IGSF3: variants seen among roughly 807,000 people sequenced by gnomAD.
IGSF3 encodes immunoglobulin superfamily member 3.
In IGSF3, 23 loss-of-function variants were observed where a neutral mutation model predicts 114.4. The observed-to-expected ratio is 0.20, with a 90% CI of 0.14 to 0.28. The LOEUF (loss-of-function observed/expected upper bound fraction) is 0.28, where lower values mean the gene tolerates loss of function less well. IGSF3 is among the 10% of genes least tolerant of loss of function. IGSF3 has a pLI of 1.00. For missense variants in IGSF3, 1,172 were observed against 1,591.5 expected (o/e 0.74, Z 4.48); for synonymous variants, 571 against 645.2 (o/e 0.88, Z 1.74).
rs1486495322 is a variant in IGSF3 at position 116,649,500 on chromosome 1, T to C, written c.43+16784A>G. On this transcript the variant is annotated intron_variant, in intron 2 of 10. Transcript: ENST00000369486. The surrounding 1 kb of genome is among the most constrained non-coding windows in gnomAD (Gnocchi z 4.5). Reference sequence around the variant, plus strand: ...TGGCAAAAGGCAAACAGCATCTTCCTAAAATCTTCCTCTTCCTAAAATCTT... The same window carrying C: ...TGGCAAAAGGCAAACAGCATCTTCCCAAAATCTTCCTCTTCCTAAAATCTT... Among the ~76,000 whole-genome samples the C allele has an allele frequency of 6.6e-6, 1 of 151,954 alleles. No individual in the cohort carries two copies. The highest frequency in any genetic ancestry group is 1.5e-5 in the Non-Finnish European group (1 of 67,810).
At chr1:116,602,295 A>G (rs191042994) in intron 6 of IGSF3, among the ~76,000 whole-genome samples, 3 of 151,938 alleles carry the variant, frequency 2.0e-5, no homozygotes, top group Admixed American at 2.0e-4. Flanking sequence ...AACATAAATT[A>G]CTTCTAGAGA....
chr1:116,601,646 G>A (rs1176897205), intron 6 of IGSF3, among the ~76,000 whole-genome samples: 5 of 152,226 alleles, frequency 3.3e-5, no homozygotes, highest in Admixed American at 6.5e-5. Flanking sequence ...TTTCTATGGT[G>A]AGGTTAAGTT....
rs1042606380 is a variant in IGSF3 at position 116,641,997 on chromosome 1, G to T, written c.43+24287C>A. On this transcript the variant is annotated intron_variant, in intron 2 of 10. Transcript: ENST00000369486. ...TGGAGAGACAGTGTCTCGAACTCCT[G>T]GGCTCCAGTGATCCTCCCACCTCAG... is the stretch of plus-strand genomic sequence containing the variant. Among the ~76,000 whole-genome samples, 6 of 151,836 alleles carry T rather than the reference G, an allele frequency of 4.0e-5. No individual in the cohort carries two copies. In the East Asian group the frequency reaches 9.7e-4, roughly 25 times the overall value.
chr1:116,604,448 G>A (rs1341478510), intron 5 of IGSF3, among the ~76,000 whole-genome samples: 1 of 152,084 alleles, frequency 6.6e-6, no homozygotes, highest in African/African-American at 2.4e-5. Flanking sequence ...CTACCATTCG[G>A]TACTACAGCA....
chr1:116,623,537 T>G (rs572916495), intron 2 of IGSF3, among the ~76,000 whole-genome samples: 1 of 151,870 alleles, frequency 6.6e-6, no homozygotes, highest in East Asian at 2.0e-4. Flanking sequence ...AATACAAAAA[T>G]TAGCCGGGTG....
chr1:116,623,729 C>T (rs4044799), intron 2 of IGSF3, among the ~76,000 whole-genome samples: 10 of 151,922 alleles, frequency 6.6e-5, no homozygotes, highest in Non-Finnish European at 1.2e-4. Context: ...CAGGACAGCT[C>T]GAGGTTCAGC....
Position 116,598,430 on chromosome 1 carries a change from C to T in IGSF3, c.2029+1511G>A, listed in dbSNP as rs1187021222. On this transcript the variant is annotated intron_variant, in intron 7 of 10. Coordinates refer to ENST00000369486, the MANE Select transcript of IGSF3 (RefSeq NM_001007237.3). The surrounding 1 kb of genome is among the most constrained non-coding windows in gnomAD (Gnocchi z 4.3). The stretch of plus-strand genomic sequence containing the variant: ...ACAGCCTCTTCCCTGAGCCTCTTGT[C>T]AGTCGAAGTTTAGGCTGTCATTGGC... Among the ~76,000 whole-genome samples, 1 of 152,216 alleles carries T rather than the reference C, an allele frequency of 6.6e-6. No homozygotes were observed. The highest frequency in any genetic ancestry group is 1.5e-5 in the Non-Finnish European group (1 of 68,034).
At position 116,598,717 on chromosome 1, in the gene IGSF3, C is replaced by T. The variant is rs1162226422; in HGVS notation, c.2029+1224G>A. Among the ~76,000 whole-genome samples, 2 of 152,198 alleles carry T rather than the reference C, an allele frequency of 1.3e-5. No individual in the cohort carries two copies. Among genetic ancestry groups the T allele is most frequent in the East Asian group, 3.9e-4 (2 of 5,190 alleles). On this transcript the variant is annotated intron_variant, in intron 7 of 10. Transcript: ENST00000369486. This position sits in a 1 kb window ranked among gnomAD's most constrained non-coding sequence, Gnocchi z 4.3. ...TGCAAAGTCAAACCCTTGCCCTTGC[C>T]TGCACAGGTGTCTGTTCCAGCCGAG...
chr1:116,643,561 G>A (rs1648207129), intron 2 of IGSF3, among the ~76,000 whole-genome samples: 1 of 152,254 alleles, frequency 6.6e-6, no homozygotes, highest in Admixed American at 6.5e-5. Flanking sequence ...CCTGTGGCCA[G>A]CCTGTCCCAG....
At chr1:116,641,173 C>G (rs575825934) in intron 2 of IGSF3, among the ~76,000 whole-genome samples, 1 of 152,040 alleles carries the variant, frequency 6.6e-6, no homozygotes, top group African/African-American at 2.4e-5. Flanking sequence ...CTCTCCACTT[C>G]GGTACATATT....
intron 7 of IGSF3, among the ~76,000 whole-genome samples, chr1:116,597,937 AAAAAG>A (rs1660411168): frequency 6.6e-6 from 1 of 152,236 alleles, no homozygotes; most frequent in African/African-American, 2.4e-5. Flanking sequence ...GGATAAATTT[AAAAAG>A]AAAACATGAG....
chr1:116,628,681 T>C lies in IGSF3; in HGVS notation c.44-12224A>G, dbSNP rs1557877871. Reference sequence around the variant, plus strand: ...ATACTGAGAGCACTGACACTGCTTCTGGGGGTTTTCCCAAGCACGTGTTAC... The same window carrying C: ...ATACTGAGAGCACTGACACTGCTTCCGGGGGTTTTCCCAAGCACGTGTTAC... On this transcript the variant is annotated intron_variant, in intron 2 of 10. Transcript: ENST00000369486. This position sits in a 1 kb window ranked among gnomAD's most constrained non-coding sequence, Gnocchi z 4.2. Among the ~76,000 whole-genome samples the C allele has an allele frequency of 6.6e-6, 1 of 152,176 alleles. No individual in the cohort carries two copies. Among genetic ancestry groups the C allele is most frequent in the Admixed American group, 6.5e-5 (1 of 15,282 alleles).
chr1:116,625,988 G>C lies in IGSF3; in HGVS notation c.44-9531C>G, dbSNP rs1304595150. ...TGAGACATTTAGCTACTGAGCCCCA[G>C]GGATGGGTGGCTGCTTCTAAGCTGC... On this transcript the variant is annotated intron_variant, in intron 2 of 10. Coordinates refer to ENST00000369486, the MANE Select transcript of IGSF3 (RefSeq NM_001007237.3). The surrounding 1 kb of genome is among the most constrained non-coding windows in gnomAD (Gnocchi z 4.7). Among the ~76,000 whole-genome samples the C allele has an allele frequency of 6.6e-6, 1 of 152,188 alleles. No homozygotes were observed. Among genetic ancestry groups the C allele is most frequent in the African/African-American group, 2.4e-5 (1 of 41,436 alleles).
At chr1:116,659,610 G>C (rs908422807) in intron 2 of IGSF3, among the ~76,000 whole-genome samples, 10 of 147,890 alleles carry the variant, frequency 6.8e-5, no homozygotes, top group African/African-American at 2.2e-4. Flanking sequence ...TTTTTTTTTT[G>C]AGACGGGGTC....
chr1:116,618,819 C>T lies in IGSF3; in HGVS notation c.44-2362G>A, dbSNP rs562464903. 4.6e-5 allele frequency among the ~76,000 whole-genome samples: 7 copies of T among 152,252 alleles called. No homozygotes were observed. The highest frequency in any genetic ancestry group is 2.1e-4 in the South Asian group (1 of 4,816). ...ATAACATTAGGTATCCTTTGAATTGCGGTGTTCTATGACAGCGCAACTACA... is the reference window on the plus strand; with the variant it reads ...ATAACATTAGGTATCCTTTGAATTGTGGTGTTCTATGACAGCGCAACTACA... On this transcript the variant is annotated intron_variant, in intron 2 of 10. Transcript: ENST00000369486. This position sits in a 1 kb window ranked among gnomAD's most constrained non-coding sequence, Gnocchi z 4.7.
chr1:116,643,961 C>T (rs1166840142), intron 2 of IGSF3, among the ~76,000 whole-genome samples: 11 of 152,174 alleles, frequency 7.2e-5, no homozygotes, highest in Non-Finnish European at 1.6e-4. Context: ...CTCTGCCCTC[C>T]CCAAACACGT....
chr1:116,651,140 CA>C lies in IGSF3; in HGVS notation c.43+15143del, dbSNP rs1335641673. ...TAACTGAGCACATCACAGACTCACA[CA>C]AATCTGTGGAATGAGTGCATGATCT... On this transcript the variant is annotated intron_variant, in intron 2 of 10. Coordinates refer to ENST00000369486, the MANE Select transcript of IGSF3 (RefSeq NM_001007237.3). This position sits in a 1 kb window ranked among gnomAD's most constrained non-coding sequence, Gnocchi z 4.4. Among the ~76,000 whole-genome samples the C allele has an allele frequency of 1.3e-5, 2 of 152,254 alleles. No homozygotes were observed. Among genetic ancestry groups the C allele is most frequent in the Middle Eastern group, 3.2e-3 (1 of 316 alleles).
rs1660963479 is a variant in IGSF3, at chr1:116,610,236, C to T, written c.833-1905G>A. On this transcript the variant is annotated intron_variant, in intron 4 of 10. Coordinates refer to ENST00000369486, the MANE Select transcript of IGSF3 (RefSeq NM_001007237.3). The surrounding 1 kb of genome is among the most constrained non-coding windows in gnomAD (Gnocchi z 4.3). ...CAACATCAATGACAGAAAAGCACTCCTTCCACATAAACACCACTGGAGCTG... is the reference window on the plus strand; with the variant it reads ...CAACATCAATGACAGAAAAGCACTCTTTCCACATAAACACCACTGGAGCTG... Among the ~76,000 whole-genome samples the T allele has an allele frequency of 1.3e-5, 2 of 152,208 alleles. No individual in the cohort carries two copies. Among genetic ancestry groups the T allele is most frequent in the African/African-American group, 4.8e-5 (2 of 41,446 alleles).
At position 116,603,700 on chromosome 1, in the gene IGSF3, C is replaced by T; in HGVS notation, c.1548G>A (p.Trp516Ter). The change falls in exon 6 of 11, where the codon TGG (tryptophan) becomes TGA (stop). Residue 516 changes from tryptophan to a stop codon, truncating the protein, a stop_gained. Transcript: ENST00000369486. LOFTEE classifies it high-confidence loss of function. The surrounding 1 kb of genome is among the most constrained non-coding windows in gnomAD (Gnocchi z 7.1). ...GCCACTCGCCATCCACTGCCCGCAC[C>T]CATTCAGTCACATGGCATTCATACT... ...EGQYECHVTEWVRAVDGEWQI... is the reference protein window; with the variant it reads ...EGQYECHVTE 6.2e-7 allele frequency: 1 copy of T among 1,613,964 alleles called. No individual in the cohort carries two copies. Among genetic ancestry groups the T allele is most frequent in the Non-Finnish European group, 8.5e-7 (1 of 1,179,864 alleles).
Sources: allele counts gnomAD v4.1 joint callset (sites outside exome capture counted in the v4.1 genomes callset), GRCh38; gene constraint gnomAD v4.1.1; non-coding constraint Gnocchi (gnomAD v3.1); transcripts MANE v1.5; gene names NCBI Gene and HGNC (gene_info 2026-07-23, HGNC 2026-07-21).